The following ENTREP1 variants were observed in gnomAD, a reference collection of about 807,000 sequenced individuals.
ENTREP1 encodes the protein Friedreich ataxia region gene X123.
the ENTREP1 span, among the ~76,000 whole-genome samples, chr9:69,351,551 G>T: frequency 0.041 from 6,312 of 152,168 alleles, 163 homozygotes; most frequent in African/African-American, 0.065. Context: ...GGAGTAGCTG[G>T]GACTACAGAC....
the ENTREP1 span, among the ~76,000 whole-genome samples, chr9:69,345,987 C>CT: frequency 9.5e-4 from 139 of 146,190 alleles, no homozygotes; most frequent in East Asian, 7.3e-3. Flanking sequence ...ACAAATAACA[C>CT]TTTTTTTTTT....
chr9:69,372,259 G>C, the ENTREP1 span, among the ~76,000 whole-genome samples: 1 of 152,178 alleles, frequency 6.6e-6, no homozygotes, highest in African/African-American at 2.4e-5. Flanking sequence ...GTAGAGGTAA[G>C]TATATTCACA....
chr9:69,345,482 A>G, the ENTREP1 span, among the ~76,000 whole-genome samples: 62,290 of 152,134 alleles, frequency 0.41, 14,299 homozygotes, highest in South Asian at 0.54. Context: ...TATATTATCT[A>G]TCCATCTACC....
chr9:69,334,769 CCTTTT>C, the ENTREP1 span, among the ~76,000 whole-genome samples: 16 of 147,612 alleles, frequency 1.1e-4, no homozygotes, highest in African/African-American at 4.1e-4. Context: ...CCTTTCCTTT[CCTTTT>C]CTTTTTTTTT....
chr9:69,377,636 A>C, the ENTREP1 span: 1 of 1,614,078 alleles, frequency 6.2e-7, no homozygotes. Flanking sequence ...TCTGCTGAAG[A>C]AGCGGAGGAT....
the ENTREP1 span, among the ~76,000 whole-genome samples, chr9:69,355,050 A>G: frequency 6.6e-6 from 1 of 152,226 alleles, no homozygotes; most frequent in Non-Finnish European, 1.5e-5. Flanking sequence ...GCTTTAAAAA[A>G]AAATCCAGGA....
chr9:69,354,071 T>C, the ENTREP1 span, among the ~76,000 whole-genome samples: 1 of 152,020 alleles, frequency 6.6e-6, no homozygotes, highest in South Asian at 2.1e-4. Flanking sequence ...TCCTTAAATA[T>C]TTTAGTATAT....
the ENTREP1 span, among the ~76,000 whole-genome samples, chr9:69,342,181 A>G: frequency 6.6e-6 from 1 of 151,414 alleles, no homozygotes; most frequent in Non-Finnish European, 1.5e-5. Flanking sequence ...TCTTGCATGT[A>G]TATAATGCTT....
chr9:69,355,523 A>C, the ENTREP1 span, among the ~76,000 whole-genome samples: 1 of 152,178 alleles, frequency 6.6e-6, no homozygotes, highest in South Asian at 2.1e-4. Context: ...CTTTCATTCC[A>C]CTGCTCAGTC....
chr9:69,374,521 C>T, the ENTREP1 span, among the ~76,000 whole-genome samples: 8 of 152,240 alleles, frequency 5.3e-5, no homozygotes, highest in South Asian at 2.1e-4. Context: ...TGGCTCTCCA[C>T]GTCTCCACCA....
chr9:69,367,654 TAA>T, the ENTREP1 span, among the ~76,000 whole-genome samples: 1 of 95,628 alleles, frequency 1.0e-5, no homozygotes, highest in Non-Finnish European at 2.1e-5. Context: ...CACATATATA[TAA>T]ATATATATAT....
chr9:69,377,421 T>C, the ENTREP1 span: 1 of 1,614,162 alleles, frequency 6.2e-7, no homozygotes, highest in East Asian at 2.2e-5. Context: ...CACCGTCTGC[T>C]TGGTGGCCGC....
chr9:69,386,123 T>A, the ENTREP1 span: 1 of 476,816 alleles, frequency 2.1e-6, no homozygotes, highest in Non-Finnish European at 3.4e-6. Context: ...AATATATATC[T>A]ACCATGTCTT....
chr9:69,371,157 T>G, the ENTREP1 span: 1 of 323,856 alleles, frequency 3.1e-6, no homozygotes, highest in Non-Finnish European at 5.9e-6. Flanking sequence ...TTGCTGCTGA[T>G]CCCACAAAAC....
chr9:69,385,777 TTTTTTTTTTTA>T, the ENTREP1 span: 10 of 1,363,154 alleles, frequency 7.3e-6, no homozygotes, highest in African/African-American at 5.6e-5. Flanking sequence ...TTTTTTTTTT[TTTTTTTTTTTA>T]AATCAGATGG....
At chr9:69,368,893 G>A in the ENTREP1 span, among the ~76,000 whole-genome samples, 4 of 151,740 alleles carry the variant, frequency 2.6e-5, no homozygotes, top group Non-Finnish European at 4.4e-5. Flanking sequence ...GTGCAGGTTC[G>A]TTACATAGGT....
chr9:69,376,829 G>A, the ENTREP1 span, among the ~76,000 whole-genome samples: 2 of 152,212 alleles, frequency 1.3e-5, no homozygotes, highest in South Asian at 4.1e-4. Flanking sequence ...GCTATTTTGA[G>A]ATGTGTGTTT....
the ENTREP1 span, among the ~76,000 whole-genome samples, chr9:69,344,299 A>C: frequency 1.3e-5 from 2 of 152,178 alleles, no homozygotes; most frequent in Admixed American, 1.3e-4. Context: ...AAAAAACACC[A>C]AGTGATCATA....
the ENTREP1 span, among the ~76,000 whole-genome samples, chr9:69,333,610 T>C: frequency 6.6e-6 from 1 of 152,208 alleles, no homozygotes; most frequent in African/African-American, 2.4e-5. Context: ...TGGCCAATAA[T>C]ATTGTTTTAA....
Sources: allele counts gnomAD v4.1 joint callset (sites outside exome capture counted in the v4.1 genomes callset), GRCh38; gene constraint gnomAD v4.1.1; transcripts MANE v1.5; gene names NCBI Gene and HGNC (gene_info 2026-07-23, HGNC 2026-07-21).